STK24: variants seen among roughly 807,000 people sequenced by gnomAD.
STK24 encodes serine/threonine kinase 24, also known as serine/threonine-protein kinase 24.
A neutral mutation model predicts 55.6 loss-of-function variants in STK24; 21 were observed. The observed-to-expected ratio is 0.38, with a 90% CI of 0.27 to 0.54. STK24 has a LOEUF of 0.54. Among genes scored for constraint, STK24 ranks in the 20% least tolerant of loss-of-function variants. The pLI is 0.79. For synonymous variants in STK24, 200 were observed against 215.2 expected (o/e 0.93, Z 0.62); for missense variants, 383 against 538.4 (o/e 0.71, Z 2.86).
intron 3 of STK24, among the ~76,000 whole-genome samples, chr13:98,477,678 A>G (rs1163977282): frequency 6.6e-6 from 1 of 151,714 alleles, no homozygotes; most frequent in African/African-American, 2.4e-5. Flanking sequence ...CCGTCTCAAA[A>G]AAAAAAAAAA....
intron 5 of STK24, among the ~76,000 whole-genome samples, chr13:98,472,103 G>A (rs1305235246): frequency 5.9e-5 from 9 of 152,268 alleles, no homozygotes; most frequent in South Asian, 4.1e-4. Flanking sequence ...CAGGAAGAGC[G>A]CCCTTATCAG....
chr13:98,532,876 C>G (rs1454816310), intron 1 of STK24, among the ~76,000 whole-genome samples: 2 of 152,216 alleles, frequency 1.3e-5, no homozygotes, highest in African/African-American at 4.8e-5. Context: ...AGTTTATCTA[C>G]CTGAGCTGTA....
intron 1 of STK24, among the ~76,000 whole-genome samples, chr13:98,549,196 C>T (rs1421612920): frequency 6.6e-6 from 1 of 152,220 alleles, no homozygotes. Flanking sequence ...AGCCTAAATA[C>T]TTCTGTCTTA....
At position 98,451,916 on chromosome 13, in the gene STK24, C is replaced by T. The variant is rs3742134; in HGVS notation, c.*1257G>A. The T allele has an allele frequency of 0.21, 32,642 of 152,036 alleles. 3,637 individuals are homozygous for T. Among genetic ancestry groups the T allele is most frequent in the Middle Eastern group, 0.25 (73 of 294 alleles). 9.4% of individuals were successfully genotyped at this position (152,036 alleles called of 1,614,324 possible). ...GAAGCAAAATAACTCTTAAGGTCCC[C>T]GGCAACCGCTACAGCAATCGCACAG... On this transcript the variant is annotated 3_prime_UTR_variant, in exon 11 of 11. Coordinates refer to ENST00000539966, the MANE Select transcript of STK24 (RefSeq NM_001032296.4).
chr13:98,457,040 G>A (rs1022367664), intron 10 of STK24, 128 bp downstream of exon 10: 3 of 1,143,894 alleles, frequency 2.6e-6, no homozygotes, highest in South Asian at 3.2e-5. Flanking sequence ...ATTCAACTCT[G>A]TCTACCCTGA....
At chr13:98,466,634 T>C (rs1893936227) in intron 5 of STK24, 73 bp from the exon 6 acceptor site, 4 of 1,491,982 alleles carry the variant, frequency 2.7e-6, no homozygotes, top group Admixed American at 2.0e-5. Flanking sequence ...AGGGGGAAAA[T>C]GGTAACATGT....
At position 98,448,439 on chromosome 13, in the gene STK24, G is replaced by A. The variant is rs1892999453; in HGVS notation, c.*4734C>T. Reference sequence around the variant, plus strand: ...AAATCAAAAACATGGCTTCCCAGCAGCTCTCCTGTCTCCACAGCCGCGTTT... The same window carrying A: ...AAATCAAAAACATGGCTTCCCAGCAACTCTCCTGTCTCCACAGCCGCGTTT... On this transcript the variant is annotated 3_prime_UTR_variant, in exon 11 of 11. Coordinates refer to ENST00000539966, the MANE Select transcript of STK24 (RefSeq NM_001032296.4). 1 of 813,438 alleles carries A rather than the reference G, an allele frequency of 1.2e-6. No homozygotes were observed. Among genetic ancestry groups the A allele is most frequent in the African/African-American group, 1.7e-5 (1 of 59,254 alleles). 50.4% of individuals were successfully genotyped at this position (813,438 alleles called of 1,614,324 possible).
intron 10 of STK24, chr13:98,455,591 A>G (rs763077355): frequency 6.6e-6 from 1 of 152,298 alleles, no homozygotes; most frequent in Non-Finnish European, 1.5e-5. Context: ...ACTGGCCAGC[A>G]CTGGTACAGA....
intron 1 of STK24, among the ~76,000 whole-genome samples, chr13:98,541,056 A>T (rs997996056): frequency 3.3e-5 from 5 of 152,202 alleles, no homozygotes; most frequent in African/African-American, 1.2e-4. Context: ...ATTTAGATTA[A>T]GTAAATCTAC....
chr13:98,519,079 G>A (rs2139381132), intron 2 of STK24, among the ~76,000 whole-genome samples, 164 bp downstream of exon 2: 1 of 152,340 alleles, frequency 6.6e-6, no homozygotes, highest in East Asian at 1.9e-4. Flanking sequence ...AGACATTTGA[G>A]ATGATGGAAC....
intron 1 of STK24, among the ~76,000 whole-genome samples, chr13:98,540,763 CAAAAAAA>C (rs35957882): frequency 1.7e-5 from 1 of 58,884 alleles, no homozygotes; most frequent in South Asian, 7.2e-4. Flanking sequence ...ATATTAAAAG[CAAAAAAA>C]AAAAAAAAAA....
chr13:98,452,337 GA>G lies in STK24; in HGVS notation c.*835del, dbSNP rs1893240313. On this transcript the variant is annotated 3_prime_UTR_variant, in exon 11 of 11. Coordinates refer to ENST00000539966, the MANE Select transcript of STK24 (RefSeq NM_001032296.4). ...GTCAGACGAGAGCGCTTCATGGGGA[GA>G]AACTGAAAATTATAATTTAAAGCTT... 1 of 152,520 alleles carries G rather than the reference GA, an allele frequency of 6.6e-6. No individual in the cohort carries two copies. Among genetic ancestry groups the G allele is most frequent in the Non-Finnish European group, 1.5e-5 (1 of 68,046 alleles). The allele number at this position is 152,520 out of a possible 1,614,324, so 9.4% of individuals were successfully genotyped here. A position where few individuals can be genotyped will look rare whatever the true frequency, so the allele number is the denominator to read the frequency against.
At chr13:98,527,914 G>GCAAGA (rs1471746951) in intron 1 of STK24, among the ~76,000 whole-genome samples, 2 of 152,198 alleles carry the variant, frequency 1.3e-5, no homozygotes, top group Admixed American at 1.3e-4. Context: ...GTTCATGCTG[G>GCAAGA]CGTCTTGCAG....
chr13:98,477,504 C>T (rs1406899093), intron 3 of STK24, among the ~76,000 whole-genome samples: 1 of 152,072 alleles, frequency 6.6e-6, no homozygotes, highest in Non-Finnish European at 1.5e-5. Flanking sequence ...GAAACCCCAT[C>T]TCTACTAAAA....
chr13:98,465,786 C>T (rs1254157652), intron 6 of STK24, among the ~76,000 whole-genome samples: 1 of 152,172 alleles, frequency 6.6e-6, no homozygotes, highest in Admixed American at 6.5e-5. Context: ...CCAACACCAA[C>T]ACACACACAC....
intron 1 of STK24, among the ~76,000 whole-genome samples, chr13:98,567,518 A>C (rs1399376385): frequency 6.6e-6 from 1 of 152,206 alleles, no homozygotes; most frequent in Non-Finnish European, 1.5e-5. Flanking sequence ...GGACCAAAAA[A>C]ATGAGAGAAG....
Position 98,460,054 on chromosome 13 carries a change from T to C in STK24, c.1122+318A>G, listed in dbSNP as rs1235126096. On this transcript the variant is annotated intron_variant, in intron 9 of 10. Transcript: ENST00000539966. ...AATCTACTTTTCACATGGCCAGAAATTGGTCTGAGGCAAAGAGAGCAGGCT... is the reference window on the plus strand; with the variant it reads ...AATCTACTTTTCACATGGCCAGAAACTGGTCTGAGGCAAAGAGAGCAGGCT... Among the ~76,000 whole-genome samples the C allele has an allele frequency of 4.6e-5, 7 of 152,258 alleles. No homozygotes were observed. The South Asian group carries it at 8.3e-4, about 18-fold the overall frequency.
chr13:98,521,010 G>A (rs1896241792), intron 1 of STK24, among the ~76,000 whole-genome samples: 1 of 152,178 alleles, frequency 6.6e-6, no homozygotes, highest in Non-Finnish European at 1.5e-5. Flanking sequence ...AACGGGAAAT[G>A]CGTCCTGGGG....
chr13:98,526,825 A>G (rs1011389853), intron 1 of STK24, among the ~76,000 whole-genome samples: 1 of 152,166 alleles, frequency 6.6e-6, no homozygotes, highest in African/African-American at 2.4e-5. Context: ...GAATTTGCTC[A>G]TCAGCTTCAT....
Sources: allele counts gnomAD v4.1 joint callset (sites outside exome capture counted in the v4.1 genomes callset), GRCh38; gene constraint gnomAD v4.1.1; transcripts MANE v1.5; gene names NCBI Gene and HGNC (gene_info 2026-07-23, HGNC 2026-07-21).